The following PDE4C variants were observed in gnomAD, a reference collection of about 807,000 sequenced individuals.
PDE4C encodes phosphodiesterase 4C.
In PDE4C, 50 loss-of-function variants were observed where a neutral mutation model predicts 63.9. The ratio of observed to expected loss-of-function variants is 0.78; its 90% CI spans 0.62 to 0.99. The LOEUF is 0.99. Among genes scored for constraint, PDE4C ranks in the 50% least tolerant of loss-of-function variants. PDE4C has a pLI of 0.00. For synonymous variants in PDE4C, 377 were observed against 385.1 expected, an observed-to-expected ratio of 0.98 and a Z score of 0.25; for missense variants, 777 against 899.1, an observed-to-expected ratio of 0.86 and a Z score of 1.74.
At chr19:18,218,014 G>A in intron 11 of PDE4C, 135 bp downstream of exon 11, 1 of 695,116 alleles carries the variant, frequency 1.4e-6, no homozygotes, top group Non-Finnish European at 2.5e-6. Context: ...CTGAAGGGAG[G>A]GAAAACTGTC....
intron 1 of PDE4C, among the ~76,000 whole-genome samples, chr19:18,222,756 G>T (rs1968550789): frequency 8.0e-6 from 1 of 125,022 alleles, no homozygotes; most frequent in South Asian, 2.6e-4. Flanking sequence ...CTGCAGTGCA[G>T]TGGTGTGATC....
Position 18,218,207 on chromosome 19 carries a change from TG to T in PDE4C, c.1175del (p.Ala392GlufsTer17), listed in dbSNP as rs1275534096. The stretch of plus-strand genomic sequence containing the variant: ...GATGGTCCACGTCGTGGATGGCGCT[TG>T]CAAAGAGGGCAGCCAGGATTTCCAA... On this transcript the variant is annotated frameshift_variant, in exon 11 of 15. Transcript: ENST00000262805. LOFTEE classifies it high-confidence loss of function. The T allele has an allele frequency of 6.2e-7, 1 of 1,614,202 alleles. No homozygotes were observed. Among genetic ancestry groups the T allele is most frequent in the Non-Finnish European group, 8.5e-7 (1 of 1,180,034 alleles).
At chr19:18,208,018 A>AT (rs1359256112), downstream of PDE4C, 1 of 152,114 alleles carries the variant, frequency 6.6e-6, no homozygotes, top group Non-Finnish European at 1.5e-5. Context: ...TTATTTCCAA[A>AT]TTTTTTACAG....
chr19:18,241,406 A>G (rs1225407637), intron 1 of PDE4C, among the ~76,000 whole-genome samples: 1 of 150,910 alleles, frequency 6.6e-6, no homozygotes, highest in Non-Finnish European at 1.5e-5. Context: ...AGCCGGGATT[A>G]CAGGCACCCG....
In PDE4C at chr19:18,220,785, G is replaced by GT; in HGVS notation, c.499+88dup. ...AGGGGCGGGGCTACAATTAGCCCCA[G>GT]TATAAGGGGCTCATGGACTGGGGAG... On this transcript the variant is annotated intron_variant, in intron 5 of 14. Coordinates refer to ENST00000262805, the Ensembl canonical transcript of PDE4C. The surrounding 1 kb of genome is among the most constrained non-coding windows in gnomAD (Gnocchi z 5.1). 7.8e-7 allele frequency: 1 copy of GT among 1,287,676 alleles called. No homozygotes were observed. Among genetic ancestry groups the GT allele is most frequent in the Non-Finnish European group, 1.1e-6 (1 of 899,198 alleles). 79.8% of individuals were successfully genotyped at this position (1,287,676 alleles called of 1,614,324 possible). A position where few individuals can be genotyped will look rare whatever the true frequency, so the allele number is the denominator to read the frequency against.
intron 13 of PDE4C, among the ~76,000 whole-genome samples, chr19:18,213,149 T>A (rs932016088): frequency 6.6e-6 from 1 of 151,158 alleles, no homozygotes; most frequent in African/African-American, 2.4e-5. Flanking sequence ...CTGGGCGCGG[T>A]GCCGGGCACC....
exon 9 of PDE4C, chr19:18,219,023 T>C (rs775519312): frequency 6.2e-7 from 1 of 1,613,228 alleles, no homozygotes; most frequent in Non-Finnish European, 8.5e-7. Flanking sequence ...CCCCACTTGT[T>C]GGTGTCTTCT....
At chr19:18,247,946 G>A (rs961425423) in intron 1 of PDE4C, among the ~76,000 whole-genome samples, 3 of 152,152 alleles carry the variant, frequency 2.0e-5, no homozygotes, top group Admixed American at 6.6e-5. Context: ...GCAGCCAGGT[G>A]CCCAAAGCCC....
intron 1 of PDE4C, among the ~76,000 whole-genome samples, chr19:18,246,216 C>T (rs1030928240): frequency 2.0e-5 from 3 of 146,346 alleles, no homozygotes; most frequent in Non-Finnish European, 3.0e-5. Flanking sequence ...TGGAGTCTCG[C>T]TCTGTCACCC....
At chr19:18,221,055 C>CCCCCCCCCCCCCCCCCCCCCCAGGTG in intron 4 of PDE4C, 50 bp downstream of exon 4, 1 of 763,410 alleles carries the variant, frequency 1.3e-6, no homozygotes, top group Non-Finnish European at 1.8e-6. Context: ...GCTTTCCGCC[C>CCCCCCCCCCCCCCCCCCCCCCAGGTG]ACCTTGTCTC....
the PDE4C span, among the ~76,000 whole-genome samples, chr19:18,253,819 A>G: frequency 1.2e-4 from 19 of 152,304 alleles, no homozygotes; most frequent in South Asian, 2.3e-3. Flanking sequence ...GGCTGAGGGC[A>G]GGTAAGCAGT....
chr19:18,210,285 G>A (rs1383024540), downstream of PDE4C: 1 of 152,188 alleles, frequency 6.6e-6, no homozygotes, highest in Non-Finnish European at 1.5e-5. Context: ...GCCTCCCAAA[G>A]TACCGGGATT....
Position 18,220,161 on chromosome 19 carries a change from G to C in PDE4C, c.706+65C>G. The C allele has an allele frequency of 7.7e-7, 1 of 1,291,226 alleles. No homozygotes were observed. Among genetic ancestry groups the C allele is most frequent in the Admixed American group, 1.7e-5 (1 of 59,246 alleles). The allele number at this position is 1,291,226 out of a possible 1,614,324, so 80.0% of individuals were successfully genotyped here. Reference sequence around the variant, plus strand: ...TCCCCCAGACTGAGGTCTATCATAGGAATCTTTCTTTTGTTTCTTAGTACT... The same window carrying C: ...TCCCCCAGACTGAGGTCTATCATAGCAATCTTTCTTTTGTTTCTTAGTACT... On this transcript the variant is annotated intron_variant, in intron 7 of 14. Transcript: ENST00000262805. This position sits in a 1 kb window ranked among gnomAD's most constrained non-coding sequence, Gnocchi z 5.1.
chr19:18,223,209 ATT>A lies in PDE4C; in HGVS notation c.147-888_147-887del, dbSNP rs35666140. ...AGGTGCGCACCACCACGCCCGGCTAATTTTTTTTTTTTTTTTTTGAGACAGAG... is the reference window on the plus strand; with the variant it reads ...AGGTGCGCACCACCACGCCCGGCTAATTTTTTTTTTTTTTTTGAGACAGAG... On this transcript the variant is annotated intron_variant, in intron 1 of 14. Coordinates refer to ENST00000262805, the Ensembl canonical transcript of PDE4C. 5.4e-3 allele frequency among the ~76,000 whole-genome samples: 701 copies of A among 129,068 alleles called. 4 individuals are homozygous for A. The highest frequency in any genetic ancestry group is 9.5e-3 in the South Asian group (39 of 4,098). 84.7% of individuals were successfully genotyped at this position (129,068 alleles called of 152,430 possible).
intron 1 of PDE4C, among the ~76,000 whole-genome samples, chr19:18,239,170 A>C (rs927617102): frequency 3.3e-5 from 5 of 152,180 alleles, no homozygotes; most frequent in African/African-American, 1.2e-4. Flanking sequence ...TCCATTTAAC[A>C]AAGGAGGAAA....
rs369848710 is a variant in PDE4C, at chr19:18,222,632, CTT to C, written c.147-311_147-310del. 2.9e-3 allele frequency among the ~76,000 whole-genome samples: 372 copies of C among 126,632 alleles called. 6 individuals are homozygous for C. The highest frequency in any genetic ancestry group is 0.01 in the African/African-American group (345 of 33,612). The allele number at this position is 126,632 out of a possible 152,430, so 83.1% of individuals were successfully genotyped here. On this transcript the variant is annotated intron_variant, in intron 1 of 14. Transcript: ENST00000262805. ...TTTCTTTTATTTTTTTTCTCTCTTT[CTT>C]TTTTTTTTTTCTTTCTCGTTCTTTC...
At chr19:18,251,877 A>G (rs1013732467), upstream of PDE4C, among the ~76,000 whole-genome samples, 1 of 151,890 alleles carries the variant, frequency 6.6e-6, no homozygotes, top group African/African-American at 2.4e-5. Context: ...CTGCGTGCCC[A>G]GCCGTGACAT....
At chr19:18,221,043 C>A in intron 4 of PDE4C, 62 bp downstream of exon 4, 3 of 1,439,264 alleles carry the variant, frequency 2.1e-6, no homozygotes, top group Non-Finnish European at 2.8e-6. Flanking sequence ...AATTTGCAGC[C>A]CGCTTTCCGC....
chr19:18,245,146 T>TTTTG (rs58953650), intron 1 of PDE4C, among the ~76,000 whole-genome samples: 230 of 148,618 alleles, frequency 1.5e-3, no homozygotes, highest in South Asian at 8.6e-3. Context: ...GTTGTTGGTT[T>TTTTG]TTTGTTTGTT....
Sources: gnomAD v4.1 joint callset for allele counts (sites outside exome capture counted in the v4.1 genomes callset) on GRCh38, gnomAD v4.1.1 for gene constraint, Gnocchi (gnomAD v3.1) non-coding constraint, MANE v1.5 for transcripts, NCBI Gene and HGNC (gene_info 2026-07-23, HGNC 2026-07-21) for gene names.